The following FBXO48 variants were observed in gnomAD, a reference collection of about 807,000 sequenced individuals.
FBXO48 encodes F-box protein 48.
A neutral mutation model predicts 14.3 loss-of-function variants in FBXO48; 12 were observed. The ratio of observed to expected loss-of-function variants is 0.84; its 90% CI spans 0.54 to 1.36. The LOEUF (loss-of-function observed/expected upper bound fraction) is 1.36, where lower values mean the gene tolerates loss of function less well. Among genes scored for constraint, FBXO48 ranks in the 40% most tolerant of loss-of-function variants. The pLI is 0.00. For synonymous variants in FBXO48, 53 were observed against 61.7 expected, an observed-to-expected ratio of 0.86 and a Z score of 0.66; for missense variants, 177 against 179.1, an observed-to-expected ratio of 0.99 and a Z score of 0.07.
Position 68,464,361 on chromosome 2 carries a change from G to T in FBXO48, c.316C>A (p.Leu106Met). 2 of 1,613,486 alleles carry T rather than the reference G, an allele frequency of 1.2e-6. No homozygotes were observed. The highest frequency in any genetic ancestry group is 8.5e-7 in the Non-Finnish European group (1 of 1,179,830). ...ESGYSWRVIL[L>M]RNYQKSKVKH... ...ACTTTACTCTTCTGGTAATTCCTCA[G>T]CAGTATCACCTGAAAGAGGTAAATC... is the stretch of plus-strand genomic sequence containing the variant. Residue 106 changes from leucine to methionine, a missense_variant, in exon 4 of 4, where the codon CTG (leucine) becomes ATG (methionine). Coordinates refer to ENST00000377957, the MANE Select transcript of FBXO48 (RefSeq NM_001024680.3).
Position 68,463,711 on chromosome 2 carries a change from TCTGATTCCA to T in FBXO48, c.*489_*497del. 3 of 153,544 alleles carry T rather than the reference TCTGATTCCA, an allele frequency of 2.0e-5. No homozygotes were observed. In the East Asian group the frequency reaches 5.7e-4, roughly 29 times the overall value. The allele number at this position is 153,544 out of a possible 1,614,324, so 9.5% of individuals were successfully genotyped here. A position where few individuals can be genotyped will look rare whatever the true frequency, so the allele number is the denominator to read the frequency against. ...ATAGTTTCACTATTTGACATTTCAA[TCTGATTCCA>T]CTGAAATAGAAATGTTAAAGTCATT... On this transcript the variant is annotated 3_prime_UTR_variant, in exon 4 of 4. Transcript: ENST00000377957.
rs1036678820 is a variant in FBXO48 at position 68,460,006 on chromosome 2, A to C, written c.*4203T>G. ...TGTGCAAAGGCAGAGAAGTGAGAAA[A>C]TTTTTATGAAATAGTTTTGTAAGAC... is the stretch of plus-strand genomic sequence containing the variant. On this transcript the variant is annotated 3_prime_UTR_variant, in exon 4 of 4. Coordinates refer to ENST00000377957, the MANE Select transcript of FBXO48 (RefSeq NM_001024680.3). The C allele has an allele frequency of 2.0e-5, 3 of 152,212 alleles. No individual in the cohort carries two copies. Among genetic ancestry groups the C allele is most frequent in the South Asian group, 2.1e-4 (1 of 4,834 alleles). The allele number at this position is 152,212 out of a possible 1,614,324, so 9.4% of individuals were successfully genotyped here.
chr2:68,460,383 T>A lies in FBXO48; in HGVS notation c.*3826A>T, dbSNP rs984156401. On this transcript the variant is annotated 3_prime_UTR_variant, in exon 4 of 4. Coordinates refer to ENST00000377957, the MANE Select transcript of FBXO48 (RefSeq NM_001024680.3). ...CAAGTAAGAATTGACTCGGCTGGAC[T>A]TGGAGAATGATGGAGAAAAGTAAAA... 3 of 152,146 alleles carry A rather than the reference T, an allele frequency of 2.0e-5. No individual in the cohort carries two copies. The highest frequency in any genetic ancestry group is 6.5e-5 in the Admixed American group (1 of 15,274). The allele number at this position is 152,146 out of a possible 1,614,324, so 9.4% of individuals were successfully genotyped here.
chr2:68,464,282 A>G lies in FBXO48; in HGVS notation c.395T>C (p.Leu132Pro). Residue 132 changes from leucine to proline, a missense_variant, in exon 4 of 4, where the codon CTA (leucine) becomes CCA (proline). By Grantham distance (98) the Leu-to-Pro change is moderately conservative. Coordinates refer to ENST00000377957, the MANE Select transcript of FBXO48 (RefSeq NM_001024680.3). ...CATTGGGTACATGATTTTTTCTGGT[A>G]GGCTAATGGGAGAACAAATGTTGCT... ...RYSNICSPIS[L>P]PEKIMYPMDA... 6.2e-7 allele frequency: 1 copy of G among 1,613,784 alleles called. No homozygotes were observed.
chr2:68,461,287 C>CTTTTCTTTTTTT lies in FBXO48; in HGVS notation c.*2921_*2922insAAAAAAAGAAAA. On this transcript the variant is annotated 3_prime_UTR_variant, in exon 4 of 4. Transcript: ENST00000377957. ...CTTACTTAAGATCCGTTTTCGTTTT[C>CTTTTCTTTTTTT]TTTTTTTTTTTTTTTTTTTTGAGAC... 8.4e-6 allele frequency: 1 copy of CTTTTCTTTTTTT among 119,628 alleles called. No homozygotes were observed. Among genetic ancestry groups the CTTTTCTTTTTTT allele is most frequent in the African/African-American group, 3.8e-5 (1 of 26,600 alleles). The allele number at this position is 119,628 out of a possible 1,614,324, so 7.4% of individuals were successfully genotyped here.
At position 68,464,108 on chromosome 2, in the gene FBXO48, G is replaced by A; in HGVS notation, c.*101C>T. On this transcript the variant is annotated 3_prime_UTR_variant, in exon 4 of 4. Transcript: ENST00000377957. ...TTCCATTTCATTTTCTTTTAAAAAGGTGAACAACAAAATGAACGAATAAAG... is the reference window on the plus strand; with the variant it reads ...TTCCATTTCATTTTCTTTTAAAAAGATGAACAACAAAATGAACGAATAAAG... 9.7e-7 allele frequency: 1 copy of A among 1,031,120 alleles called. No homozygotes were observed. The highest frequency in any genetic ancestry group is 1.4e-6 in the Non-Finnish European group (1 of 715,156). The allele number at this position is 1,031,120 out of a possible 1,614,324, so 63.9% of individuals were successfully genotyped here.
Position 68,460,817 on chromosome 2 carries a change from G to A in FBXO48, c.*3392C>T, listed in dbSNP as rs1488553919. ...TGGAGGAAACTGAGAAGACGGGTTAGAGTAGGGAAAGAAAAGTCCAAGAGA... is the reference window on the plus strand; with the variant it reads ...TGGAGGAAACTGAGAAGACGGGTTAAAGTAGGGAAAGAAAAGTCCAAGAGA... On this transcript the variant is annotated 3_prime_UTR_variant, in exon 4 of 4. Transcript: ENST00000377957. 6.6e-6 allele frequency: 1 copy of A among 152,186 alleles called. No individual in the cohort carries two copies. Among genetic ancestry groups the A allele is most frequent in the African/African-American group, 2.4e-5 (1 of 41,412 alleles). The allele number at this position is 152,186 out of a possible 1,614,324, so 9.4% of individuals were successfully genotyped here.
In FBXO48 at chr2:68,460,974, T is replaced by C. The variant is rs1480536482; in HGVS notation, c.*3235A>G. 1 of 152,216 alleles carries C rather than the reference T, an allele frequency of 6.6e-6. No individual in the cohort carries two copies. The highest frequency in any genetic ancestry group is 2.1e-4 in the South Asian group (1 of 4,826). The allele number at this position is 152,216 out of a possible 1,614,324, so 9.4% of individuals were successfully genotyped here. ...ATTTAGACATTAAGTCACTTGTAATTTGGATACCAACAGTTTCAACCATAT... is the reference window on the plus strand; with the variant it reads ...ATTTAGACATTAAGTCACTTGTAATCTGGATACCAACAGTTTCAACCATAT... On this transcript the variant is annotated 3_prime_UTR_variant, in exon 4 of 4. Coordinates refer to ENST00000377957, the MANE Select transcript of FBXO48 (RefSeq NM_001024680.3).
At position 68,464,393 on chromosome 2, in the gene FBXO48, A is replaced by T. The variant is rs925090180; in HGVS notation, c.307-23T>A. ...CACCTGAAAGAGGTAAATCACCGTT[A>T]AAAAAGACTGTAGTAGGTGGTTGGT... On this transcript the variant is annotated intron_variant, in intron 3 of 3. Transcript: ENST00000377957. 12 of 1,610,298 alleles carry T rather than the reference A, an allele frequency of 7.5e-6. No homozygotes were observed. In the African/African-American group the frequency reaches 1.6e-4, roughly 22 times the overall value.
Position 68,464,886 on chromosome 2 carries a change from C to T in FBXO48, c.260G>A (p.Cys87Tyr), listed in dbSNP as rs748243476. ...TAGATCATCATCTATTTCTCTTCGG[C>T]ACACAGCTCTTACAGTCATGCAGTG... ...KPHCMTVRAVCRREIDDDLES... is the reference protein window; with the variant it reads ...KPHCMTVRAVYRREIDDDLES... The change falls in exon 3 of 4, where the codon TGC (cysteine) becomes TAC (tyrosine). Residue 87 changes from cysteine to tyrosine, a missense_variant. By Grantham distance (194) the Cys-to-Tyr change is radical. Transcript: ENST00000377957. 5.0e-6 allele frequency: 8 copies of T among 1,613,560 alleles called. No homozygotes were observed. Among genetic ancestry groups the T allele is most frequent in the Admixed American group, 3.3e-5 (2 of 60,006 alleles).
rs1479609343 is a variant in FBXO48, at chr2:68,459,695, G to A, written c.*4514C>T. On this transcript the variant is annotated 3_prime_UTR_variant, in exon 4 of 4. Coordinates refer to ENST00000377957, the MANE Select transcript of FBXO48 (RefSeq NM_001024680.3). The stretch of plus-strand genomic sequence containing the variant: ...TTAACAAATCTTTATAGAGCATCTA[G>A]TGTGTGCCAGGTTTTGAAGACACAA... 6.6e-6 allele frequency: 1 copy of A among 152,022 alleles called. No homozygotes were observed. Among genetic ancestry groups the A allele is most frequent in the East Asian group, 1.9e-4 (1 of 5,200 alleles). 9.4% of individuals were successfully genotyped at this position (152,022 alleles called of 1,614,324 possible). A position where few individuals can be genotyped will look rare whatever the true frequency, so the allele number is the denominator to read the frequency against.
rs568204410 is a variant in FBXO48 at position 68,461,109 on chromosome 2, C to T, written c.*3100G>A. On this transcript the variant is annotated 3_prime_UTR_variant, in exon 4 of 4. Transcript: ENST00000377957. Reference sequence around the variant, plus strand: ...TAATACATATTTGAAAAATGGGCAACGAAACCACATCAGGTGGGGGTCCCA... The same window carrying T: ...TAATACATATTTGAAAAATGGGCAATGAAACCACATCAGGTGGGGGTCCCA... The T allele has an allele frequency of 1.1e-4, 16 of 152,102 alleles. 1 individual carries two copies. The East Asian group carries it at 2.3e-3, about 22-fold the overall frequency. 9.4% of individuals were successfully genotyped at this position (152,102 alleles called of 1,614,324 possible).
At chr2:68,464,755 C>A (rs1187807514) in intron 3 of FBXO48, 85 bp downstream of exon 3, 10 of 969,008 alleles carry the variant, frequency 1.0e-5, no homozygotes, top group Non-Finnish European at 1.6e-5. Flanking sequence ...GTAATTCTGA[C>A]TCCTCCAAGC....
rs202123162 is a variant in FBXO48 at position 68,464,822 on chromosome 2, C to G, written c.306+18G>C. 6.3e-7 allele frequency: 1 copy of G among 1,583,540 alleles called. No homozygotes were observed. Among genetic ancestry groups the G allele is most frequent in the South Asian group, 1.1e-5 (1 of 90,218 alleles). On this transcript the variant is annotated intron_variant, in intron 3 of 3. Coordinates refer to ENST00000377957, the MANE Select transcript of FBXO48 (RefSeq NM_001024680.3). ...TAACGCTGTCAACAACACTGCAGATCGCAAAGATTAAACTTACCCTCCAGG... is the reference window on the plus strand; with the variant it reads ...TAACGCTGTCAACAACACTGCAGATGGCAAAGATTAAACTTACCCTCCAGG...
chr2:68,465,173 T>G lies in FBXO48; in HGVS notation c.-28A>C, dbSNP rs1240577450. The G allele has an allele frequency of 6.5e-7, 1 of 1,530,594 alleles. No homozygotes were observed. 94.8% of individuals were successfully genotyped at this position (1,530,594 alleles called of 1,614,324 possible). A position where few individuals can be genotyped will look rare whatever the true frequency, so the allele number is the denominator to read the frequency against. ...CTTAATGTTTTAAGTTATCCTCATATGTAACCTAAAAGGCAAAATTTAAAC... is the reference window on the plus strand; with the variant it reads ...CTTAATGTTTTAAGTTATCCTCATAGGTAACCTAAAAGGCAAAATTTAAAC... On this transcript the variant is annotated 5_prime_UTR_variant, in exon 3 of 4. Transcript: ENST00000377957.
intron 1 of FBXO48, 38 bp from the exon 2 acceptor site, chr2:68,466,508 A>T (rs1675418412): frequency 1.3e-5 from 2 of 152,186 alleles, no homozygotes; most frequent in South Asian, 4.1e-4. Context: ...AGCAAACGTA[A>T]AAACGGGTGA....
chr2:68,464,943 G>T lies in FBXO48; in HGVS notation c.203C>A (p.Thr68Lys). The stretch of plus-strand genomic sequence containing the variant: ...CCATAAAGAGTCACTGTTTCTTATT[G>T]TGTCATTCCAGCTCCTGCATGTCAA... ...ASLTCRSWNDTIRNSDSLWKP... is the reference protein window; with the variant it reads ...ASLTCRSWNDKIRNSDSLWKP... Residue 68 changes from threonine (T) to lysine (K), a missense_variant, in exon 3 of 4, where the codon ACA becomes AAA. Thr to Lys is a moderately conservative substitution (Grantham distance 78). Transcript: ENST00000377957. 1 of 1,613,776 alleles carries T rather than the reference G, an allele frequency of 6.2e-7. No individual in the cohort carries two copies. The highest frequency in any genetic ancestry group is 8.5e-7 in the Non-Finnish European group (1 of 1,179,938).
rs1048735018 is a variant in FBXO48, at chr2:68,459,779, A to T, written c.*4430T>A. ...GTTCACAGTGTAAAGGGGCAAACAC[A>T]CAAATAAAATAGACAATTTAATGTC... On this transcript the variant is annotated 3_prime_UTR_variant, in exon 4 of 4. Transcript: ENST00000377957. 3.9e-5 allele frequency: 6 copies of T among 152,208 alleles called. No individual in the cohort carries two copies. The highest frequency in any genetic ancestry group is 8.8e-5 in the Non-Finnish European group (6 of 68,030). 9.4% of individuals were successfully genotyped at this position (152,208 alleles called of 1,614,324 possible).
In FBXO48 at chr2:68,462,272, G is replaced by T. The variant is rs139321125; in HGVS notation, c.*1937C>A. On this transcript the variant is annotated 3_prime_UTR_variant, in exon 4 of 4. Transcript: ENST00000377957. ...GTACACAGATGCTATTCAGCAAAATGCTTATAGCTTTAATTTTTCCCATAC... is the reference window on the plus strand; with the variant it reads ...GTACACAGATGCTATTCAGCAAAATTCTTATAGCTTTAATTTTTCCCATAC... 5.8e-4 allele frequency: 89 copies of T among 152,254 alleles called. No individual in the cohort carries two copies. Among genetic ancestry groups the T allele is most frequent in the African/African-American group, 2.1e-3 (86 of 41,536 alleles). 9.4% of individuals were successfully genotyped at this position (152,254 alleles called of 1,614,324 possible).
Sources: allele counts gnomAD v4.1 joint callset, GRCh38; gene constraint gnomAD v4.1.1; transcripts MANE v1.5; gene names NCBI Gene and HGNC (gene_info 2026-07-23, HGNC 2026-07-21).